ZDHHC7: variants seen among roughly 807,000 people sequenced by gnomAD.
ZDHHC7 encodes zDHHC palmitoyltransferase 7, also known as palmitoyltransferase ZDHHC7.
A neutral mutation model predicts 34.1 loss-of-function variants in ZDHHC7; 12 were observed. The ratio of observed to expected loss-of-function variants is 0.35; its 90% CI spans 0.23 to 0.57. The LOEUF is 0.57. Ranked by LOEUF, ZDHHC7 falls within the 20% of genes least tolerant of loss-of-function variation. The pLI is 0.84. For synonymous variants in ZDHHC7, 185 were observed against 155.4 expected, an observed-to-expected ratio of 1.19 and a Z score of -1.42; for missense variants, 388 against 402.7, an observed-to-expected ratio of 0.96 and a Z score of 0.31.
At chr16:84,998,026 C>A (rs1368031191) in intron 1 of ZDHHC7, among the ~76,000 whole-genome samples, 1 of 146,868 alleles carries the variant, frequency 6.8e-6, no homozygotes, top group Non-Finnish European at 1.5e-5. Context: ...TTTGGGAGGC[C>A]GAGGCGGGCG....
chr16:84,996,901 CT>C (rs1347394361), intron 1 of ZDHHC7, among the ~76,000 whole-genome samples: 18 of 152,014 alleles, frequency 1.2e-4, no homozygotes, highest in East Asian at 3.9e-4. Context: ...GTGGTGGGCG[CT>C]TGTAATCCCA....
At chr16:85,003,789 G>A (rs2072682097) in intron 1 of ZDHHC7, among the ~76,000 whole-genome samples, 1 of 152,064 alleles carries the variant, frequency 6.6e-6, no homozygotes, top group Non-Finnish European at 1.5e-5. Flanking sequence ...GCAAAGTGGG[G>A]GAACACACAC....
chr16:84,976,252 C>T lies in ZDHHC7; in HGVS notation c.*91G>A, dbSNP rs567256693. On this transcript the variant is annotated 3_prime_UTR_variant, in exon 8 of 8. Coordinates refer to ENST00000313732, the MANE Select transcript of ZDHHC7 (RefSeq NM_017740.3). The stretch of plus-strand genomic sequence containing the variant: ...TTGGTTTGTGTAGGTTCCAGTTGCC[C>T]TGTTGGTCACAGATGAGCTGTTGAT... The T allele has an allele frequency of 5.9e-6, 9 of 1,516,332 alleles. No individual in the cohort carries two copies. The African/African-American group carries it at 1.3e-4, about 21-fold the overall frequency. 93.9% of individuals were successfully genotyped at this position (1,516,332 alleles called of 1,614,324 possible).
upstream of ZDHHC7, among the ~76,000 whole-genome samples, chr16:85,013,274 G>C (rs758984053): frequency 2.6e-5 from 4 of 151,966 alleles, no homozygotes; most frequent in Non-Finnish European, 5.9e-5. Flanking sequence ...ATGGAGTCTC[G>C]CTCTGTCTCC....
intron 4 of ZDHHC7, among the ~76,000 whole-genome samples, chr16:84,981,629 G>A (rs576316937): frequency 6.6e-6 from 1 of 152,304 alleles, no homozygotes; most frequent in African/African-American, 2.4e-5. Flanking sequence ...GAGTCCCTCG[G>A]GAAGGAGGGG....
At chr16:85,027,569 C>G in the ZDHHC7 span, among the ~76,000 whole-genome samples, 3 of 152,358 alleles carry the variant, frequency 2.0e-5, no homozygotes, top group South Asian at 2.1e-4. Context: ...GCAGAGCCAG[C>G]AAGGGGGCGC....
intron 1 of ZDHHC7, among the ~76,000 whole-genome samples, chr16:84,998,713 C>G (rs2072615761): frequency 1.3e-5 from 2 of 151,484 alleles, no homozygotes; most frequent in South Asian, 4.2e-4. Context: ...AGCACTGGTT[C>G]CCCAACAGAG....
intron 3 of ZDHHC7, among the ~76,000 whole-genome samples, chr16:84,982,444 A>C (rs370358292): frequency 6.6e-6 from 1 of 152,130 alleles, no homozygotes; most frequent in Non-Finnish European, 1.5e-5. Context: ...CTGCATTTTC[A>C]GAGGCAAGGC....
chr16:84,996,856 G>A (rs974197689), intron 1 of ZDHHC7, among the ~76,000 whole-genome samples: 1 of 151,966 alleles, frequency 6.6e-6, no homozygotes, highest in African/African-American at 2.4e-5. Flanking sequence ...GTGAAACCCC[G>A]TCGCTACTAA....
Position 84,976,036 on chromosome 16 carries a change from C to A in ZDHHC7, c.*307G>T, listed in dbSNP as rs541712435. On this transcript the variant is annotated 3_prime_UTR_variant, in exon 8 of 8. Transcript: ENST00000313732. ...CATGATTGGAAACAGCAGCTCAGGA[C>A]CCAGGATTTGAATAACCCATGTAAT... is the stretch of plus-strand genomic sequence containing the variant. 628 of 341,206 alleles carry A rather than the reference C, an allele frequency of 1.8e-3. 2 individuals are homozygous for A. Among genetic ancestry groups the A allele is most frequent in the Non-Finnish European group, 2.9e-3 (540 of 187,332 alleles). 21.1% of individuals were successfully genotyped at this position (341,206 alleles called of 1,614,324 possible).
At chr16:85,009,709 CTTTT>C (rs543110602) in intron 1 of ZDHHC7, among the ~76,000 whole-genome samples, 1 of 126,600 alleles carries the variant, frequency 7.9e-6, no homozygotes, top group Non-Finnish European at 1.7e-5. Flanking sequence ...GACTTTTTTT[CTTTT>C]TTTTTTTTTT....
intron 3 of ZDHHC7, among the ~76,000 whole-genome samples, chr16:84,986,866 C>A (rs1017113709): frequency 1.3e-5 from 2 of 152,176 alleles, no homozygotes; most frequent in Non-Finnish European, 1.5e-5. Flanking sequence ...TCTAGTTCAG[C>A]CTGGACTGGA....
At chr16:84,977,838 GA>G in intron 6 of ZDHHC7, 85 bp downstream of exon 6, 1 of 1,086,990 alleles carries the variant, frequency 9.2e-7, no homozygotes, top group East Asian at 2.6e-5. Context: ...TTCAAAATTG[GA>G]AAACTGGTTC....
intron 1 of ZDHHC7, among the ~76,000 whole-genome samples, chr16:85,008,399 G>A (rs555541463): frequency 1.3e-5 from 2 of 151,904 alleles, no homozygotes; most frequent in Admixed American, 6.6e-5. Context: ...AAAAAGTAAC[G>A]TGTTCTGAGT....
chr16:85,003,139 CA>C (rs746754507), intron 1 of ZDHHC7, among the ~76,000 whole-genome samples: 6 of 152,094 alleles, frequency 3.9e-5, no homozygotes, highest in Non-Finnish European at 5.9e-5. Context: ...CCTCAGAGTC[CA>C]GGGGGCAGGA....
chr16:84,977,146 G>A lies in ZDHHC7; in HGVS notation c.699C>T (p.Phe233=). The change falls in exon 7 of 8, where the codon TTC becomes TTT. Residue 233 remains phenylalanine (F), a synonymous_variant. Transcript: ENST00000313732. ...TTTGGGTGCCAAACATAACTGCAGT[G>A]AAAGTGAAAAACAGAAGACCCTCAA... ...LCLEGLLFFT[F]TAVMFGTQIH... 1 of 1,614,214 alleles carries A rather than the reference G, an allele frequency of 6.2e-7. No homozygotes were observed. The highest frequency in any genetic ancestry group is 8.5e-7 in the Non-Finnish European group (1 of 1,180,034).
chr16:84,990,020 G>A (rs2072487483), intron 3 of ZDHHC7, among the ~76,000 whole-genome samples: 1 of 152,128 alleles, frequency 6.6e-6, no homozygotes, highest in Admixed American at 6.5e-5. Flanking sequence ...CTCCCTGATT[G>A]AAGGATGTCT....
chr16:85,004,803 T>C (rs527924672), intron 1 of ZDHHC7: 2 of 152,036 alleles, frequency 1.3e-5, no homozygotes, highest in Non-Finnish European at 2.9e-5. Flanking sequence ...TGTGATAAGA[T>C]CTGCCAGGGG....
upstream of ZDHHC7, among the ~76,000 whole-genome samples, chr16:85,012,619 T>C (rs1250707682): frequency 6.6e-6 from 1 of 151,776 alleles, no homozygotes; most frequent in Non-Finnish European, 1.5e-5. Flanking sequence ...AAAACCAGAA[T>C]AAGGCCAGGT....
Sources: allele counts gnomAD v4.1 joint callset (sites outside exome capture counted in the v4.1 genomes callset), GRCh38; gene constraint gnomAD v4.1.1; transcripts MANE v1.5; gene names NCBI Gene and HGNC (gene_info 2026-07-23, HGNC 2026-07-21).